Variants in PPP2R2A observed in about 807,000 individuals in gnomAD.
PPP2R2A encodes the protein serine/threonine-protein phosphatase 2A 55 kDa regulatory subunit B alpha isoform.
Under a neutral mutation model 53.2 loss-of-function variants are expected in PPP2R2A, and 9 were observed. The observed-to-expected ratio is 0.17, with a 90% confidence interval of 0.10 to 0.30. PPP2R2A has a LOEUF of 0.30. Ranked by LOEUF, PPP2R2A falls within the 10% of genes least tolerant of loss-of-function variation. The pLI is 1.00. For missense variants in PPP2R2A, 235 were observed against 534.6 expected, an observed-to-expected ratio of 0.44 and a Z score of 5.53; for synonymous variants, 169 against 174.2, an observed-to-expected ratio of 0.97 and a Z score of 0.23.
intron 2 of PPP2R2A, among the ~76,000 whole-genome samples, chr8:26,334,179 A>T (rs1310987447): frequency 1.3e-5 from 2 of 152,180 alleles, no homozygotes; most frequent in Non-Finnish European, 2.9e-5. Context: ...GTTCTTTTGT[A>T]AGATTAATAC....
chr8:26,341,986 T>C (rs899461205), intron 3 of PPP2R2A, among the ~76,000 whole-genome samples: 3 of 152,212 alleles, frequency 2.0e-5, no homozygotes, highest in African/African-American at 7.2e-5. Flanking sequence ...GTCCGTTTAT[T>C]CCCCAATCGT....
intron 2 of PPP2R2A, among the ~76,000 whole-genome samples, chr8:26,316,103 A>G (rs893180621): frequency 6.6e-6 from 1 of 151,906 alleles, no homozygotes; most frequent in African/African-American, 2.4e-5. Context: ...CTCCTGGGTT[A>G]AAGCAGTTCT....
At position 26,360,116 on chromosome 8, in the gene PPP2R2A, A is replaced by T; in HGVS notation, c.347-53A>T. 1 of 1,022,006 alleles carries T rather than the reference A, an allele frequency of 9.8e-7. No individual in the cohort carries two copies. The allele number at this position is 1,022,006 out of a possible 1,614,324, so 63.3% of individuals were successfully genotyped here. Reference sequence around the variant, plus strand: ...TGAAATAGCATATTTTAAATGCCTTAAAATGTTTTTCTTCTTCAGTATTTT... The same window carrying T: ...TGAAATAGCATATTTTAAATGCCTTTAAATGTTTTTCTTCTTCAGTATTTT... On this transcript the variant is annotated intron_variant, in intron 4 of 9. Coordinates refer to ENST00000380737, the MANE Select transcript of PPP2R2A (RefSeq NM_002717.4). The surrounding 1 kb of genome is among the most constrained non-coding windows in gnomAD (Gnocchi z 4.5).
intron 2 of PPP2R2A, among the ~76,000 whole-genome samples, chr8:26,295,833 T>C (rs1447707078): frequency 6.6e-6 from 1 of 152,214 alleles, no homozygotes; most frequent in Non-Finnish European, 1.5e-5. Context: ...TACTAGAGTT[T>C]GCATATTATA....
At chr8:26,364,855 T>C (rs914837624) in intron 8 of PPP2R2A, among the ~76,000 whole-genome samples, 63 of 152,272 alleles carry the variant, frequency 4.1e-4, no homozygotes, top group African/African-American at 1.5e-3. Context: ...ATTTGAGGGA[T>C]GCAAACCCCT....
intron 2 of PPP2R2A, chr8:26,333,430 A>G (rs928217039): frequency 2.0e-5 from 16 of 815,740 alleles, no homozygotes; most frequent in Non-Finnish European, 2.5e-5. Context: ...CTGTATTAAA[A>G]ATTATATAGG....
intron 2 of PPP2R2A, among the ~76,000 whole-genome samples, chr8:26,325,341 T>G (rs1803034926): frequency 6.6e-6 from 1 of 152,080 alleles, no homozygotes; most frequent in Non-Finnish European, 1.5e-5. Context: ...CTTTTGCTTC[T>G]TCCTCATTTT....
Position 26,352,667 on chromosome 8 carries a change from C to T in PPP2R2A, c.181-1801C>T, listed in dbSNP as rs555670874. On this transcript the variant is annotated intron_variant, in intron 3 of 9. Coordinates refer to ENST00000380737, the MANE Select transcript of PPP2R2A (RefSeq NM_002717.4). ...TTGCAGTCCACGAAACTGCCATATA[C>T]CTCTATGATTTTGTTTTTGGATTCT... Among the ~76,000 whole-genome samples, 3 of 152,290 alleles carry T rather than the reference C, an allele frequency of 2.0e-5. No individual in the cohort carries two copies. In the East Asian group the frequency reaches 5.8e-4, roughly 29 times the overall value.
intron 8 of PPP2R2A, chr8:26,365,588 A>G (rs1049627393): frequency 5.9e-5 from 9 of 152,234 alleles, no homozygotes; most frequent in African/African-American, 2.2e-4. Context: ...GAGTTACAAC[A>G]AATACTTTGG....
At chr8:26,296,630 A>C (rs1337736141) in intron 2 of PPP2R2A, among the ~76,000 whole-genome samples, 1 of 152,228 alleles carries the variant, frequency 6.6e-6, no homozygotes, top group African/African-American at 2.4e-5. Context: ...AGTTTAGTGT[A>C]GGACTGATTT....
chr8:26,371,415 C>T lies in PPP2R2A; in HGVS notation c.*1002C>T. On this transcript the variant is annotated 3_prime_UTR_variant, in exon 10 of 10. Coordinates refer to ENST00000380737, the MANE Select transcript of PPP2R2A (RefSeq NM_002717.4). The stretch of plus-strand genomic sequence containing the variant: ...GGATACATTGTGTCTCTATTTAACT[C>T]ATTATGTGTTAATGAAATTGTTGTA... The T allele has an allele frequency of 6.8e-6, 1 of 147,352 alleles. No homozygotes were observed. The allele number at this position is 147,352 out of a possible 1,614,324, so 9.1% of individuals were successfully genotyped here.
At chr8:26,344,625 T>C (rs1293391860) in intron 3 of PPP2R2A, among the ~76,000 whole-genome samples, 1 of 152,202 alleles carries the variant, frequency 6.6e-6, no homozygotes, top group Non-Finnish European at 1.5e-5. Context: ...CAGCCATCTC[T>C]TCTTGTTCAG....
In PPP2R2A at chr8:26,357,161, G is replaced by A. The variant is rs545222121; in HGVS notation, c.346+2528G>A. Among the ~76,000 whole-genome samples, 10 of 152,038 alleles carry A rather than the reference G, an allele frequency of 6.6e-5. No homozygotes were observed. In the South Asian group the frequency reaches 1.9e-3, roughly 28 times the overall value. On this transcript the variant is annotated intron_variant, in intron 4 of 9. Transcript: ENST00000380737. ...GAGGAGTAGGACTTGAACTATATCTGAAAAACTATTTGGAAAGAAGGAGAC... is the reference window on the plus strand; with the variant it reads ...GAGGAGTAGGACTTGAACTATATCTAAAAAACTATTTGGAAAGAAGGAGAC...
At chr8:26,301,666 T>C (rs551197738) in intron 2 of PPP2R2A, among the ~76,000 whole-genome samples, 2 of 152,196 alleles carry the variant, frequency 1.3e-5, no homozygotes, top group Non-Finnish European at 2.9e-5. Flanking sequence ...TATGTGCATT[T>C]CTCTGGTCGG....
intron 3 of PPP2R2A, among the ~76,000 whole-genome samples, chr8:26,348,890 G>A (rs1804353161): frequency 6.6e-6 from 1 of 152,110 alleles, no homozygotes; most frequent in Non-Finnish European, 1.5e-5. Flanking sequence ...TTTTTGTTTT[G>A]TTTTACAGAA....
At chr8:26,351,484 A>C (rs1376422366) in intron 3 of PPP2R2A, among the ~76,000 whole-genome samples, 1 of 152,230 alleles carries the variant, frequency 6.6e-6, no homozygotes, top group African/African-American at 2.4e-5. Flanking sequence ...GACTAGTGGC[A>C]ACCATACTGG....
At chr8:26,323,061 C>A (rs1361826864) in intron 2 of PPP2R2A, among the ~76,000 whole-genome samples, 1 of 152,168 alleles carries the variant, frequency 6.6e-6, no homozygotes, top group Non-Finnish European at 1.5e-5. Flanking sequence ...CTAGAAGTTC[C>A]TGTGCAGTCT....
At chr8:26,340,873 G>A (rs1199813467) in intron 3 of PPP2R2A, among the ~76,000 whole-genome samples, 1 of 151,964 alleles carries the variant, frequency 6.6e-6, no homozygotes, top group Admixed American at 6.6e-5. Flanking sequence ...TCATTTACTT[G>A]TATTAGAAAA....
intron 6 of PPP2R2A, 109 bp downstream of exon 6, chr8:26,361,260 A>C: frequency 1.9e-6 from 2 of 1,061,914 alleles, no homozygotes; most frequent in Non-Finnish European, 1.3e-6. Flanking sequence ...GTCTGTGTAC[A>C]TATATGTATG....
Sources: gnomAD v4.1 joint callset for allele counts (sites outside exome capture counted in the v4.1 genomes callset) on GRCh38, gnomAD v4.1.1 for gene constraint, Gnocchi (gnomAD v3.1) non-coding constraint, MANE v1.5 for transcripts, NCBI Gene and HGNC (gene_info 2026-07-23, HGNC 2026-07-21) for gene names.